PCDHGA5: variants seen among roughly 807,000 people sequenced by gnomAD.
PCDHGA5 encodes protocadherin gamma subfamily A, 5.
Under a neutral mutation model 56.7 loss-of-function variants are expected in PCDHGA5, and 36 were observed. That is an observed-to-expected ratio of 0.64 (90% CI 0.49 to 0.84). PCDHGA5 has a LOEUF of 0.84. Ranked by LOEUF, PCDHGA5 falls within the 40% of genes least tolerant of loss-of-function variation. The pLI is 0.00. For missense variants in PCDHGA5, 1,305 were observed against 1,201.5 expected, an observed-to-expected ratio of 1.09 and a Z score of -1.27; for synonymous variants, 563 against 520.2, an observed-to-expected ratio of 1.08 and a Z score of -1.12.
At chr5:141,440,579 C>G (rs1004258822) in intron 1 of PCDHGA5, 12 of 152,188 alleles carry the variant, frequency 7.9e-5, no homozygotes, top group African/African-American at 2.7e-4. Flanking sequence ...TGAGTTTACC[C>G]AGCTGGAACA....
chr5:141,365,668 T>C lies in PCDHGA5; in HGVS notation c.1338T>C (p.Asn446=). 6.2e-7 allele frequency: 1 copy of C among 1,613,456 alleles called. No individual in the cohort carries two copies. The highest frequency in any genetic ancestry group is 8.5e-7 in the Non-Finnish European group (1 of 1,179,786). Residue 446 remains asparagine (N), a synonymous_variant, in exon 1 of 4, where the codon AAT becomes AAC. Transcript: ENST00000518069. Reference sequence around the variant, plus strand: ...TCCCCTTGAAAGTAGCAGACGTTAATGACAACCCACCCAATTTCCCTCAAG... The same window carrying C: ...TCCCCTTGAAAGTAGCAGACGTTAACGACAACCCACCCAATTTCCCTCAAG... ...SHIPLKVADV[N]DNPPNFPQAS...
At chr5:141,427,882 A>G (rs2097084180) in intron 1 of PCDHGA5, 3 of 1,563,878 alleles carry the variant, frequency 1.9e-6, no homozygotes, top group Non-Finnish European at 2.6e-6. Flanking sequence ...ATGCAGGCCC[A>G]CGACCAGGGC....
rs1280755615 is a variant in PCDHGA5 at position 141,431,629 on chromosome 5, A to C, written c.2422-63178A>C. On this transcript the variant is annotated intron_variant, in intron 1 of 3. Transcript: ENST00000518069. This position sits in a 1 kb window ranked among gnomAD's most constrained non-coding sequence, Gnocchi z 4.8. ...GGTATGTGGACGACAAGGCGGCCCA[A>C]GTTTTCAAACTAGATTGTAATTCAG... 6.2e-7 allele frequency: 1 copy of C among 1,614,246 alleles called. No individual in the cohort carries two copies. Among genetic ancestry groups the C allele is most frequent in the South Asian group, 1.1e-5 (1 of 91,090 alleles).
In PCDHGA5 at chr5:141,491,607, T is replaced by G; in HGVS notation, c.2422-3200T>G. On this transcript the variant is annotated intron_variant, in intron 1 of 3. Coordinates refer to ENST00000518069, the MANE Select transcript of PCDHGA5 (RefSeq NM_018918.3). The surrounding 1 kb of genome is among the most constrained non-coding windows in gnomAD (Gnocchi z 6.9). ...CCTCGGACGGCAGTGACTTCACTTT[T>G]CTAAGACCCCTCAGCGTTCAGCAGC... 6.2e-7 allele frequency: 1 copy of G among 1,613,932 alleles called. No homozygotes were observed. The highest frequency in any genetic ancestry group is 1.1e-5 in the South Asian group (1 of 91,084).
chr5:141,499,414 T>C (rs543824206), intron 2 of PCDHGA5, among the ~76,000 whole-genome samples: 1 of 151,804 alleles, frequency 6.6e-6, no homozygotes, highest in Non-Finnish European at 1.5e-5. Context: ...TATAGAAACA[T>C]GAAAAATAGA....
In PCDHGA5 at chr5:141,487,605, A is replaced by G. The variant is rs202066746; in HGVS notation, c.2422-7202A>G. Reference sequence around the variant, plus strand: ...AGCTGCCCACCCTCTGATCTTCTCTATGGGCTAGAGGTGAGACCTTTGCAG... The same window carrying G: ...AGCTGCCCACCCTCTGATCTTCTCTGTGGGCTAGAGGTGAGACCTTTGCAG... On this transcript the variant is annotated intron_variant, in intron 1 of 3. Transcript: ENST00000518069. The surrounding 1 kb of genome is among the most constrained non-coding windows in gnomAD (Gnocchi z 5.0). 8.7e-6 allele frequency: 14 copies of G among 1,614,008 alleles called. No individual in the cohort carries two copies. In the South Asian group the frequency reaches 8.8e-5, roughly 10 times the overall value.
At chr5:141,507,286 TC>T in intron 3 of PCDHGA5, 1 of 149,886 alleles carries the variant, frequency 6.7e-6, no homozygotes, top group East Asian at 1.9e-4. Context: ...TAAGTCAGTC[TC>T]AAATGTTGCA....
At chr5:141,419,203 C>A in intron 1 of PCDHGA5, 1 of 1,613,988 alleles carries the variant, frequency 6.2e-7, no homozygotes, top group South Asian at 1.1e-5. Context: ...TCAATGACAA[C>A]GCGCCGGTTT....
chr5:141,432,575 T>TACC lies in PCDHGA5; in HGVS notation c.2422-62231_2422-62229dup, dbSNP rs1044250629. 6.2e-7 allele frequency: 1 copy of TACC among 1,613,326 alleles called. No individual in the cohort carries two copies. The highest frequency in any genetic ancestry group is 1.3e-5 in the African/African-American group (1 of 74,718). ...CTCCGGCCAGAACGCCTGGCTGTCC[T>TACC]ACCGTCTGCTCAAGGCCAGCGAGCC... On this transcript the variant is annotated intron_variant, in intron 1 of 3. Transcript: ENST00000518069. This position sits in a 1 kb window ranked among gnomAD's most constrained non-coding sequence, Gnocchi z 6.0.
At chr5:141,454,789 G>T (rs1368681394) in intron 1 of PCDHGA5, among the ~76,000 whole-genome samples, 1 of 129,576 alleles carries the variant, frequency 7.7e-6, no homozygotes, top group African/African-American at 3.1e-5. Flanking sequence ...AATCCTCCAT[G>T]GTTCTAATTT....
At chr5:141,372,937 G>C (rs894509866) in intron 1 of PCDHGA5, 5 of 831,174 alleles carry the variant, frequency 6.0e-6, no homozygotes, top group Non-Finnish European at 9.0e-6. Context: ...GTGTAGAGTA[G>C]GGTGTCTAGG....
intron 1 of PCDHGA5, among the ~76,000 whole-genome samples, chr5:141,381,744 G>A (rs1175308296): frequency 3.3e-5 from 5 of 151,430 alleles, no homozygotes; most frequent in Non-Finnish European, 5.9e-5. Flanking sequence ...TTTGGATTCC[G>A]ACATTGTTCT....
At chr5:141,427,986 G>C in intron 1 of PCDHGA5, 1 of 1,598,018 alleles carries the variant, frequency 6.3e-7, no homozygotes, top group East Asian at 2.2e-5. Context: ...GCTGGGGCCC[G>C]ATGGCTCCGC....
intron 1 of PCDHGA5, among the ~76,000 whole-genome samples, chr5:141,450,467 T>G (rs997813636): frequency 1.3e-5 from 2 of 151,944 alleles, no homozygotes; most frequent in African/African-American, 2.4e-5. Flanking sequence ...ATTTTATATA[T>G]AGAGTTTGTT....
At chr5:141,400,017 C>T in intron 1 of PCDHGA5, 1 of 1,612,778 alleles carries the variant, frequency 6.2e-7, no homozygotes. Context: ...CCTTGGGCGA[C>T]AGGGACGCGG....
Position 141,432,492 on chromosome 5 carries a change from C to A in PCDHGA5, c.2422-62315C>A. On this transcript the variant is annotated intron_variant, in intron 1 of 3. Transcript: ENST00000518069. The surrounding 1 kb of genome is among the most constrained non-coding windows in gnomAD (Gnocchi z 6.0). ...GACGGTTCCACTGGCGTGGAGCTGG[C>A]TCCCCGCTCCGCAGAGCCCGGCTAC... 6.2e-7 allele frequency: 1 copy of A among 1,614,168 alleles called. No individual in the cohort carries two copies. Among genetic ancestry groups the A allele is most frequent in the Admixed American group, 1.7e-5 (1 of 60,034 alleles).
chr5:141,455,377 CAGAA>C (rs2098820699), intron 1 of PCDHGA5, among the ~76,000 whole-genome samples: 1 of 151,970 alleles, frequency 6.6e-6, no homozygotes, highest in Admixed American at 6.6e-5. Flanking sequence ...AGGGAGAAGA[CAGAA>C]GGAAGGAGCT....
In PCDHGA5 at chr5:141,366,106, A is replaced by T; in HGVS notation, c.1776A>T (p.Val592=). The T allele has an allele frequency of 6.2e-7, 1 of 1,614,224 alleles. No homozygotes were observed. The highest frequency in any genetic ancestry group is 8.5e-7 in the Non-Finnish European group (1 of 1,180,038). Residue 592 remains valine, a synonymous_variant, in exon 1 of 4, where the codon GTA becomes GTT. Transcript: ENST00000518069. ...CTGGCTACCTGGTGACCAAGGTGGT[A>T]GCGGTGGACAAAGATTCAGGCCAGA... ...AEPGYLVTKV[V]AVDKDSGQNA...
At chr5:141,386,548 G>T (rs1264128780) in intron 1 of PCDHGA5, among the ~76,000 whole-genome samples, 1 of 151,902 alleles carries the variant, frequency 6.6e-6, no homozygotes, top group Non-Finnish European at 1.5e-5. Context: ...GTTGTATTTG[G>T]TAGTATTTTG....
Sources: allele counts gnomAD v4.1 joint callset (sites outside exome capture counted in the v4.1 genomes callset), GRCh38; gene constraint gnomAD v4.1.1; non-coding constraint Gnocchi (gnomAD v3.1); transcripts MANE v1.5; gene names NCBI Gene and HGNC (gene_info 2026-07-23, HGNC 2026-07-21).